The following UBE2E1 variants were observed in gnomAD, a reference collection of about 807,000 sequenced individuals.
The protein encoded by UBE2E1 is ubiquitin-conjugating enzyme E2 E1.
UBE2E1 carries 6 observed loss-of-function variants against 21.4 expected under a neutral mutation model. The observed-to-expected ratio is 0.28, with a 90% CI of 0.15 to 0.55. The LOEUF (loss-of-function observed/expected upper bound fraction) is 0.55. UBE2E1 is among the 20% of genes least tolerant of loss of function. UBE2E1 has a pLI of 0.93. For missense variants in UBE2E1, 142 were observed against 236.5 expected (o/e 0.60, Z 2.62); for synonymous variants, 87 against 82.7 (o/e 1.05, Z -0.28).
At position 23,871,871 on chromosome 3, in the gene UBE2E1, C is replaced by T. The variant is rs1179885761; in HGVS notation, c.204-15696C>T. On this transcript the variant is annotated intron_variant, in intron 3 of 5. Coordinates refer to ENST00000306627, the MANE Select transcript of UBE2E1 (RefSeq NM_003341.5). The stretch of plus-strand genomic sequence containing the variant: ...AGATGGGATGGCGGCGGGGCAGAGA[C>T]GCTCCTCACTTTCCAGACTGGGCAG... 4.4e-4 allele frequency among the ~76,000 whole-genome samples: 66 copies of T among 151,304 alleles called. 1 individual carries two copies. Among genetic ancestry groups the T allele is most frequent in the African/African-American group, 1.6e-3 (64 of 41,138 alleles).
chr3:23,844,056 A>C (rs1289859211), intron 3 of UBE2E1, among the ~76,000 whole-genome samples: 1 of 152,154 alleles, frequency 6.6e-6, no homozygotes, highest in African/African-American at 2.4e-5. Flanking sequence ...TCATATGTAA[A>C]ATGGGAGTAT....
chr3:23,871,856 G>A (rs1700801477), intron 3 of UBE2E1, among the ~76,000 whole-genome samples: 1 of 151,830 alleles, frequency 6.6e-6, no homozygotes, highest in African/African-American at 2.4e-5. Context: ...AGATGGGATG[G>A]CGGCGGGGCA....
intron 5 of UBE2E1, chr3:23,889,536 T>C (rs191978267): frequency 1.4e-6 from 2 of 1,387,184 alleles, no homozygotes; most frequent in East Asian, 5.4e-5. Context: ...TCCTTTTTTT[T>C]TCCTGTTGCT....
intron 3 of UBE2E1, among the ~76,000 whole-genome samples, chr3:23,822,713 G>T (rs981643514): frequency 1.3e-5 from 2 of 152,144 alleles, no homozygotes; most frequent in Admixed American, 6.5e-5. Flanking sequence ...GATTTGCATC[G>T]ACCTTTTGTA....
rs1242805224 is a variant in UBE2E1 at position 23,870,399 on chromosome 3, A to G, written c.204-17168A>G. On this transcript the variant is annotated intron_variant, in intron 3 of 5. Coordinates refer to ENST00000306627, the MANE Select transcript of UBE2E1 (RefSeq NM_003341.5). The surrounding 1 kb of genome is among the most constrained non-coding windows in gnomAD (Gnocchi z 4.2). Reference sequence around the variant, plus strand: ...ACTCTGCCTCTTTGAGCAGTTTCAAACAATCTGTGGACGGTGTTGTAAAAC... The same window carrying G: ...ACTCTGCCTCTTTGAGCAGTTTCAAGCAATCTGTGGACGGTGTTGTAAAAC... Among the ~76,000 whole-genome samples, 1 of 152,210 alleles carries G rather than the reference A, an allele frequency of 6.6e-6. No individual in the cohort carries two copies. The highest frequency in any genetic ancestry group is 2.4e-5 in the African/African-American group (1 of 41,458).
intron 3 of UBE2E1, among the ~76,000 whole-genome samples, chr3:23,872,530 CTT>C (rs2125321246): frequency 6.6e-6 from 1 of 152,290 alleles, no homozygotes; most frequent in South Asian, 2.1e-4. Flanking sequence ...TTCTCAAACT[CTT>C]TGGTTTCAGG....
Position 23,890,844 on chromosome 3 carries a change from TACAGA to T in UBE2E1, c.*240_*244del. The T allele has an allele frequency of 2.7e-6, 1 of 365,196 alleles. No homozygotes were observed. The highest frequency in any genetic ancestry group is 6.9e-5 in the South Asian group (1 of 14,580). The allele number at this position is 365,196 out of a possible 1,614,324, so 22.6% of individuals were successfully genotyped here. On this transcript the variant is annotated 3_prime_UTR_variant, in exon 6 of 6. Coordinates refer to ENST00000306627, the MANE Select transcript of UBE2E1 (RefSeq NM_003341.5). ...TTCTGCAATATTAGCTGAAATGTAG[TACAGA>T]AAAGAATGTACATTTAGACATTTGG...
At chr3:23,850,774 A>G (rs1434669942) in intron 3 of UBE2E1, among the ~76,000 whole-genome samples, 1 of 149,318 alleles carries the variant, frequency 6.7e-6, no homozygotes, top group East Asian at 2.0e-4. Context: ...CTCAGGCTCA[A>G]GCAGTCCTCC....
Position 23,823,778 on chromosome 3 carries a change from T to C in UBE2E1, c.203+12268T>C, listed in dbSNP as rs1013010017. On this transcript the variant is annotated intron_variant, in intron 3 of 5. Coordinates refer to ENST00000306627, the MANE Select transcript of UBE2E1 (RefSeq NM_003341.5). This position sits in a 1 kb window ranked among gnomAD's most constrained non-coding sequence, Gnocchi z 4.2. ...AACGTATGTTAAGTGATTATAGTAATGTGTGTGCAGAGACTGGCAGTAAAG... is the reference window on the plus strand; with the variant it reads ...AACGTATGTTAAGTGATTATAGTAACGTGTGTGCAGAGACTGGCAGTAAAG... Among the ~76,000 whole-genome samples, 61 of 152,206 alleles carry C rather than the reference T, an allele frequency of 4.0e-4. No homozygotes were observed. Among genetic ancestry groups the C allele is most frequent in the Admixed American group, 4.0e-3 (61 of 15,290 alleles).
chr3:23,887,457 C>G lies in UBE2E1; in HGVS notation c.204-110C>G, dbSNP rs1701213914. 7 of 1,397,936 alleles carry G rather than the reference C, an allele frequency of 5.0e-6. No individual in the cohort carries two copies. The East Asian group carries it at 1.4e-4, about 29-fold the overall frequency. 86.6% of individuals were successfully genotyped at this position (1,397,936 alleles called of 1,614,324 possible). ...CTGTACTTGTTTTGTAAAGAGAATC[C>G]ACACAGTAAACAAAAGAGAGGAGAG... On this transcript the variant is annotated intron_variant, in intron 3 of 5. Transcript: ENST00000306627. This position sits in a 1 kb window ranked among gnomAD's most constrained non-coding sequence, Gnocchi z 4.4.
At position 23,814,239 on chromosome 3, in the gene UBE2E1, T is replaced by C. The variant is rs547632988; in HGVS notation, c.203+2729T>C. Among the ~76,000 whole-genome samples, 15 of 152,314 alleles carry C rather than the reference T, an allele frequency of 9.8e-5. No individual in the cohort carries two copies. The South Asian group carries it at 2.7e-3, about 27-fold the overall frequency. On this transcript the variant is annotated intron_variant, in intron 3 of 5. Coordinates refer to ENST00000306627, the MANE Select transcript of UBE2E1 (RefSeq NM_003341.5). ...TGTTTGTGTTCACTAATTTTGGCACTTGGCAAAAATATTTGAAGTTACTGA... is the reference window on the plus strand; with the variant it reads ...TGTTTGTGTTCACTAATTTTGGCACCTGGCAAAAATATTTGAAGTTACTGA...
At chr3:23,880,404 A>C (rs928068696) in intron 3 of UBE2E1, among the ~76,000 whole-genome samples, 6 of 151,802 alleles carry the variant, frequency 4.0e-5, no homozygotes, top group African/African-American at 9.7e-5. Context: ...ATAATGGATA[A>C]AATTTTTTAA....
intron 3 of UBE2E1, among the ~76,000 whole-genome samples, chr3:23,817,941 G>A (rs1236523117): frequency 6.6e-6 from 1 of 152,186 alleles, no homozygotes; most frequent in African/African-American, 2.4e-5. Flanking sequence ...TTGGCTATCT[G>A]GATAGAGACA....
chr3:23,872,368 AGGGGAG>A (rs375345238), intron 3 of UBE2E1, among the ~76,000 whole-genome samples: 2,043 of 135,724 alleles, frequency 0.015, 27 homozygotes, highest in South Asian at 0.064. Context: ...CCGTGGAAAG[AGGGGAG>A]GGGGAGGGGG....
At chr3:23,856,096 G>A (rs1323746142) in intron 3 of UBE2E1, among the ~76,000 whole-genome samples, 2 of 151,886 alleles carry the variant, frequency 1.3e-5, no homozygotes, top group African/African-American at 2.4e-5. Flanking sequence ...GCATGATCTC[G>A]GCTCACTGCA....
At chr3:23,821,617 A>C (rs1400635332) in intron 3 of UBE2E1, among the ~76,000 whole-genome samples, 1 of 152,214 alleles carries the variant, frequency 6.6e-6, no homozygotes, top group Non-Finnish European at 1.5e-5. Flanking sequence ...ATGGTAGAAC[A>C]CTGGGACCTG....
chr3:23,818,643 C>G (rs959730179), intron 3 of UBE2E1, among the ~76,000 whole-genome samples: 7 of 152,174 alleles, frequency 4.6e-5, no homozygotes, highest in Non-Finnish European at 7.3e-5. Flanking sequence ...TTTGATGCTT[C>G]CGTGTGTTTA....
intron 3 of UBE2E1, among the ~76,000 whole-genome samples, chr3:23,814,544 C>T (rs1275572790): frequency 2.0e-5 from 3 of 152,122 alleles, no homozygotes; most frequent in African/African-American, 7.2e-5. Flanking sequence ...ACTCACTCTT[C>T]ATTTTGGTTA....
At chr3:23,854,873 T>C (rs965240929) in intron 3 of UBE2E1, among the ~76,000 whole-genome samples, 1 of 152,194 alleles carries the variant, frequency 6.6e-6, no homozygotes, top group African/African-American at 2.4e-5. Flanking sequence ...AATGAAGATA[T>C]AGATTAATTA....
Sources: gnomAD v4.1 joint callset for allele counts (sites outside exome capture counted in the v4.1 genomes callset) on GRCh38, gnomAD v4.1.1 for gene constraint, Gnocchi (gnomAD v3.1) non-coding constraint, MANE v1.5 for transcripts, NCBI Gene and HGNC (gene_info 2026-07-23, HGNC 2026-07-21) for gene names.